Variants in IL1RAPL2 observed in about 807,000 individuals in gnomAD.
IL1RAPL2 encodes X-linked interleukin-1 receptor accessory protein-like 2.
Under a neutral mutation model 44.1 loss-of-function variants are expected in IL1RAPL2, and 3 were observed. That is an observed-to-expected ratio of 0.07 (90% CI 0.03 to 0.18). The LOEUF is 0.18. Among genes scored for constraint, IL1RAPL2 ranks in the 10% least tolerant of loss-of-function variants. IL1RAPL2 has a pLI of 1.00. For synonymous variants in IL1RAPL2, 181 were observed against 178.8 expected (o/e 1.01, Z -0.10); for missense variants, 391 against 496.4 (o/e 0.79, Z 2.02).
At chrX:104,586,536 C>T (rs909029102) in intron 1 of IL1RAPL2, among the ~76,000 whole-genome samples, 2 of 111,501 alleles carry the variant, frequency 1.8e-5, no homozygotes, top group African/African-American at 6.5e-5. Flanking sequence ...TTGTCTATGG[C>T]TCCACCCAGC....
At chrX:104,884,270 G>A (rs1274676416) in intron 2 of IL1RAPL2, among the ~76,000 whole-genome samples, 1 of 111,789 alleles carries the variant, frequency 8.9e-6, no homozygotes, top group Admixed American at 9.5e-5. Context: ...TTGTGGTCTA[G>A]GAGGAAAACT....
chrX:104,810,876 C>T (rs1048498576), intron 2 of IL1RAPL2, among the ~76,000 whole-genome samples: 2 of 112,373 alleles, frequency 1.8e-5, no homozygotes, highest in African/African-American at 6.5e-5. Context: ...CAGTTCTTCC[C>T]TTAGAAATTT....
At chrX:105,518,180 C>T (rs946165832) in intron 6 of IL1RAPL2, among the ~76,000 whole-genome samples, 4 of 109,949 alleles carry the variant, frequency 3.6e-5, no homozygotes, top group Non-Finnish European at 7.6e-5. Flanking sequence ...GAATTAGAAT[C>T]TGAACATATA....
At chrX:105,240,062 T>A (rs1383133957) in intron 4 of IL1RAPL2, among the ~76,000 whole-genome samples, 2 of 112,395 alleles carry the variant, frequency 1.8e-5, no homozygotes, top group Non-Finnish European at 3.8e-5. Context: ...AAATTAAACA[T>A]TGGTTATAAA....
At chrX:104,850,154 T>C (rs1922188160) in intron 2 of IL1RAPL2, among the ~76,000 whole-genome samples, 1 of 111,879 alleles carries the variant, frequency 8.9e-6, no homozygotes, top group Admixed American at 9.5e-5. Context: ...GGTAATCTAA[T>C]GAAGGCTATA....
chrX:104,669,559 C>A (rs921850421), intron 2 of IL1RAPL2, among the ~76,000 whole-genome samples: 1 of 111,785 alleles, frequency 8.9e-6, no homozygotes, highest in South Asian at 3.7e-4. Context: ...ATATTGGAAC[C>A]ACCCAGGGAG....
chrX:105,045,512 T>C (rs2031825826), intron 2 of IL1RAPL2, among the ~76,000 whole-genome samples: 1 of 111,914 alleles, frequency 8.9e-6, no homozygotes, highest in Admixed American at 9.5e-5. Flanking sequence ...GACTGCTCTT[T>C]GCATTACAAG....
At position 105,511,066 on chromosome X, in the gene IL1RAPL2, A is replaced by G. The variant is rs371947366; in HGVS notation, c.772+26679A>G. Reference sequence around the variant, plus strand: ...CAAAGGAAATGTAGTTTCCTCAGCTACATTGACTGAGATACACTAGTGAAG... The same window carrying G: ...CAAAGGAAATGTAGTTTCCTCAGCTGCATTGACTGAGATACACTAGTGAAG... On this transcript the variant is annotated intron_variant, in intron 6 of 10. Transcript: ENST00000372582. Among the ~76,000 whole-genome samples the G allele has an allele frequency of 7.1e-5, 8 of 111,899 alleles. 1 individual carries two copies. Among genetic ancestry groups the G allele is most frequent in the Non-Finnish European group, 1.3e-4 (7 of 53,133 alleles).
chrX:104,936,675 T>C (rs1399218626), intron 2 of IL1RAPL2, among the ~76,000 whole-genome samples: 1 of 98,835 alleles, frequency 1.0e-5, no homozygotes, highest in Non-Finnish European at 2.0e-5. Context: ...CAGGCTAGAG[T>C]GCAATGGCGC....
intron 5 of IL1RAPL2, among the ~76,000 whole-genome samples, chrX:105,272,488 T>C (rs1225525730): frequency 8.9e-6 from 1 of 112,022 alleles, no homozygotes; most frequent in Non-Finnish European, 1.9e-5. Context: ...TCCTGGTGAA[T>C]ATGCAAACAA....
chrX:105,458,161 A>G (rs1179030596), intron 5 of IL1RAPL2, among the ~76,000 whole-genome samples: 1 of 110,656 alleles, frequency 9.0e-6, no homozygotes, highest in Non-Finnish European at 1.9e-5. Flanking sequence ...CCATCTCTTG[A>G]ATTGGGTTGT....
intron 1 of IL1RAPL2, among the ~76,000 whole-genome samples, chrX:104,625,597 G>C (rs1929489323): frequency 9.0e-6 from 1 of 111,439 alleles, no homozygotes; most frequent in Non-Finnish European, 1.9e-5. Context: ...GTCAGGCTCA[G>C]AAGAAAGCCA....
At chrX:105,669,496 G>T (rs2037798808) in intron 6 of IL1RAPL2, among the ~76,000 whole-genome samples, 1 of 111,482 alleles carries the variant, frequency 9.0e-6, no homozygotes, top group African/African-American at 3.3e-5. Context: ...TGGTCTTGCG[G>T]CATTCTTCTC....
At chrX:104,670,584 T>TG (rs1930575500) in intron 2 of IL1RAPL2, among the ~76,000 whole-genome samples, 1 of 20,787 alleles carries the variant, frequency 4.8e-5, no homozygotes, top group African/African-American at 8.8e-4. Flanking sequence ...ACTCCAGTCA[T>TG]GTTTTTTTTA....
chrX:104,748,572 G>T (rs1932211203), intron 2 of IL1RAPL2, among the ~76,000 whole-genome samples: 1 of 111,187 alleles, frequency 9.0e-6, no homozygotes, highest in African/African-American at 3.3e-5. Flanking sequence ...TAGGAAGCTT[G>T]CTCTTACACC....
At chrX:105,330,388 G>A (rs780029534) in intron 5 of IL1RAPL2, among the ~76,000 whole-genome samples, 1 of 111,150 alleles carries the variant, frequency 9.0e-6, no homozygotes, top group African/African-American at 3.3e-5. Context: ...TCAGACAGCA[G>A]TGATGAAGGT....
chrX:104,763,191 C>T (rs1932496238), intron 2 of IL1RAPL2, among the ~76,000 whole-genome samples: 2 of 111,756 alleles, frequency 1.8e-5, no homozygotes, highest in African/African-American at 6.5e-5. Context: ...AGGGCAGGGG[C>T]AAAAAGCCAC....
intron 5 of IL1RAPL2, among the ~76,000 whole-genome samples, chrX:105,352,617 G>A (rs939732370): frequency 2.8e-5 from 3 of 108,921 alleles, no homozygotes; most frequent in Non-Finnish European, 5.7e-5. Context: ...TTTAATGATC[G>A]CCATTCTAAC....
At position 105,447,186 on chromosome X, in the gene IL1RAPL2, TAA is replaced by T. The variant is rs2035966804; in HGVS notation, c.698-37125_698-37124del. 1.7e-4 allele frequency among the ~76,000 whole-genome samples: 3 copies of T among 17,981 alleles called. No individual in the cohort carries two copies. In the African/African-American group the frequency reaches 3.5e-3, roughly 21 times the overall value. 15.6% of individuals were successfully genotyped at this position (17,981 alleles called of 115,157 possible). Reference sequence around the variant, plus strand: ...ATATATATAAATATATATATAAATATAAATATATATAAATATATATAAATATA... The same window carrying T: ...ATATATATAAATATATATATAAATATATATATATAAATATATATAAATATA... On this transcript the variant is annotated intron_variant, in intron 5 of 10. Coordinates refer to ENST00000372582, the MANE Select transcript of IL1RAPL2 (RefSeq NM_017416.2).
Sources: allele counts gnomAD v4.1 joint callset (sites outside exome capture counted in the v4.1 genomes callset), GRCh38; gene constraint gnomAD v4.1.1; transcripts MANE v1.5; gene names NCBI Gene and HGNC (gene_info 2026-07-23, HGNC 2026-07-21).